Variants in MYH8 observed in about 807,000 individuals in gnomAD.
MYH8 encodes the protein myosin-8.
Under a neutral mutation model 233.2 loss-of-function variants are expected in MYH8, and 168 were observed. The ratio of observed to expected loss-of-function variants is 0.72; its 90% confidence interval spans 0.64 to 0.82. The LOEUF (loss-of-function observed/expected upper bound fraction) is 0.82. Ranked by LOEUF, MYH8 falls within the 40% of genes least tolerant of loss-of-function variation. MYH8 has a pLI of 0.00. For synonymous variants in MYH8, 785 were observed against 850.6 expected, an observed-to-expected ratio of 0.92 and a Z score of 1.34; for missense variants, 1,995 against 2,327.8, an observed-to-expected ratio of 0.86 and a Z score of 2.94.
Position 10,401,077 on chromosome 17 carries a change from C to T in MYH8, c.3223G>A (p.Asp1075Asn). 1.9e-6 allele frequency: 3 copies of T among 1,614,156 alleles called. No homozygotes were observed. The highest frequency in any genetic ancestry group is 1.1e-5 in the South Asian group (1 of 91,078). Reference sequence around the variant, plus strand: ...AGCTTTTCATCAAGTTGCTGTTTGTCATTTTCCATATCCATTGTGGATTCT... The same window carrying T: ...AGCTTTTCATCAAGTTGCTGTTTGTTATTTTCCATATCCATTGTGGATTCT... ...AQESTMDMEN[D>N]KQQLDEKLEK... The change falls in exon 25 of 40, where the codon GAC (aspartate) becomes AAC (asparagine). Residue 1075 changes from aspartate (D) to asparagine (N), a missense_variant. Physicochemically the swap from Asp to Asn is conservative, Grantham distance 23 (BLOSUM62 1). Around this residue, in one of 3 missense-constraint regions of MYH8, gnomAD observed 1,498 missense variants for 1,680.9 expected, o/e 0.89. Coordinates refer to ENST00000403437, the MANE Select transcript of MYH8 (RefSeq NM_002472.3).
chr17:10,390,953 T>G (rs181509767), intron 39 of MYH8, among the ~76,000 whole-genome samples: 1 of 152,218 alleles, frequency 6.6e-6, no homozygotes, highest in Non-Finnish European at 1.5e-5. Flanking sequence ...ATTTTGATTC[T>G]AGTATATAAA....
chr17:10,401,317 G>A lies in MYH8; in HGVS notation c.3066C>T (p.Ile1022=), dbSNP rs780766097. ...DLQAEEDKVN[I]LTKAKTKLEQ... is the part of the protein sequence containing the mutation. ...CTAGCTTGGTTTTAGCTTTGGTCAG[G>A]ATGTTGACTTTGTCCTCCTCTGCCT... Residue 1022 remains isoleucine, a synonymous_variant, in exon 24 of 40, where the codon ATC becomes ATT. Transcript: ENST00000403437. The A allele has an allele frequency of 1.2e-6, 2 of 1,614,152 alleles. No individual in the cohort carries two copies. The highest frequency in any genetic ancestry group is 2.7e-5 in the African/African-American group (2 of 75,032).
At chr17:10,416,186 T>C (rs1352716204) in intron 5 of MYH8, among the ~76,000 whole-genome samples, 1 of 152,194 alleles carries the variant, frequency 6.6e-6, no homozygotes, top group Admixed American at 6.5e-5. Flanking sequence ...AGGTACCTCA[T>C]GTAAGAGGAA....
At chr17:10,413,802 C>A in intron 12 of MYH8, 100 bp downstream of exon 12, 1 of 1,566,662 alleles carries the variant, frequency 6.4e-7, no homozygotes, top group South Asian at 1.1e-5. Flanking sequence ...ATGCCCTTCA[C>A]AAGTCGCAAG....
Position 10,415,080 on chromosome 17 carries a change from C to T in MYH8, c.805+36G>A. 1 of 1,588,634 alleles carries T rather than the reference C, an allele frequency of 6.3e-7. No individual in the cohort carries two copies. Among genetic ancestry groups the T allele is most frequent in the South Asian group, 1.1e-5 (1 of 90,530 alleles). ...TATCCCTGCAAATGAAATCACTTGT[C>T]TCTCTGTTTTGATTTTCAATGGTCC... On this transcript the variant is annotated intron_variant, in intron 9 of 39. Coordinates refer to ENST00000403437, the MANE Select transcript of MYH8 (RefSeq NM_002472.3). The surrounding 1 kb of genome is among the most constrained non-coding windows in gnomAD (Gnocchi z 4.1).
intron 22 of MYH8, among the ~76,000 whole-genome samples, chr17:10,403,238 A>G (rs938621750): frequency 2.0e-5 from 3 of 152,196 alleles, no homozygotes; most frequent in Non-Finnish European, 2.9e-5. Flanking sequence ...AATTATCAAA[A>G]TGAATTTTAG....
intron 19 of MYH8, 135 bp from the exon 20 acceptor site, chr17:10,406,532 A>G (rs189380127): frequency 7.1e-7 from 1 of 1,409,070 alleles, no homozygotes; most frequent in East Asian, 2.3e-5. Flanking sequence ...TTAAGGACAG[A>G]TAGTAAAACA....
At position 10,395,271 on chromosome 17, in the gene MYH8, A is replaced by C. The variant is rs1384657399; in HGVS notation, c.4824T>G (p.Ile1608Met). ...ETMQSTLDAE[I>M]RSRNDALRVK... Reference sequence around the variant, plus strand: ...CTCTCAGAGCATCATTTCTGCTTCTAATCTCTGCATCCAGCGTGCTCTGCA... The same window carrying C: ...CTCTCAGAGCATCATTTCTGCTTCTCATCTCTGCATCCAGCGTGCTCTGCA... The change falls in exon 34 of 40, where the codon ATT becomes ATG. Residue 1608 changes from isoleucine to methionine, a missense_variant. Around this residue, in one of 3 missense-constraint regions of MYH8, gnomAD observed 1,498 missense variants for 1,680.9 expected, o/e 0.89. Transcript: ENST00000403437. The C allele has an allele frequency of 6.2e-7, 1 of 1,614,028 alleles. No homozygotes were observed. The highest frequency in any genetic ancestry group is 1.3e-5 in the African/African-American group (1 of 74,894).
Position 10,415,143 on chromosome 17 carries a change from T to A in MYH8, c.778A>T (p.Lys260Ter). ...GTTTCTATATCAGCAGATGCCAGCT[T>A]CCCTGTAGTACCAAAGTGGATTCTA... ...FIRIHFGTTGKLASADIETYL... is the reference protein window; with the variant it reads ...FIRIHFGTTG Residue 260 changes from lysine (K) to a stop codon, truncating the protein, a stop_gained, in exon 9 of 40, where the codon AAG becomes TAG. Transcript: ENST00000403437. LOFTEE classifies it high-confidence loss of function. The surrounding 1 kb of genome is among the most constrained non-coding windows in gnomAD (Gnocchi z 4.1). 1 of 1,613,552 alleles carries A rather than the reference T, an allele frequency of 6.2e-7. No homozygotes were observed. Among genetic ancestry groups the A allele is most frequent in the Non-Finnish European group, 8.5e-7 (1 of 1,179,434 alleles).
intron 39 of MYH8, 89 bp from the exon 40 acceptor site, chr17:10,390,692 T>G: frequency 1.4e-6 from 2 of 1,450,712 alleles, no homozygotes; most frequent in Non-Finnish European, 1.9e-6. Flanking sequence ...AAATCAGGTA[T>G]TTCCTTCTTA....
chr17:10,411,435 T>C (rs1368719344), intron 14 of MYH8, among the ~76,000 whole-genome samples: 3 of 152,110 alleles, frequency 2.0e-5, no homozygotes, highest in African/African-American at 7.2e-5. Context: ...CCAGGCATTG[T>C]TGAGGGTCCC....
At chr17:10,407,987 C>CTGGA (rs2072210519) in intron 17 of MYH8, among the ~76,000 whole-genome samples, 1 of 147,840 alleles carries the variant, frequency 6.8e-6, no homozygotes, top group Non-Finnish European at 1.5e-5. Context: ...GTTGCCCAGG[C>CTGGA]TGGAGTACAG....
chr17:10,406,683 G>A lies in MYH8; in HGVS notation c.2171+7C>T, dbSNP rs1401580443. On this transcript the variant is annotated splice_region_variant and intron_variant, in intron 19 of 39. Coordinates refer to ENST00000403437, the MANE Select transcript of MYH8 (RefSeq NM_002472.3). ...AGTGTTAATGAAATACATCAAAGAA[G>A]ACTGACCTTTGTTTGAAATCACCAT... The A allele has an allele frequency of 6.2e-7, 1 of 1,605,654 alleles. No homozygotes were observed. Among genetic ancestry groups the A allele is most frequent in the Admixed American group, 1.7e-5 (1 of 59,978 alleles).
In MYH8 at chr17:10,392,883, T is replaced by C; in HGVS notation, c.5411A>G (p.Glu1804Gly). 6.2e-7 allele frequency: 1 copy of C among 1,614,162 alleles called. No homozygotes were observed. Among genetic ancestry groups the C allele is most frequent in the Non-Finnish European group, 8.5e-7 (1 of 1,180,018 alleles). ...KDLQHRLDEA[E>G]QLALKGGKKQ... ...CTTCCCACCCTTCAGCGCCAGCTGC[T>C]CGGCCTCATCTAGACGATGCTGCAG... Residue 1804 changes from glutamate to glycine, a missense_variant, in exon 37 of 40, where the codon GAG (glutamate) becomes GGG (glycine). Transcript: ENST00000403437.
At chr17:10,391,824 A>G (rs1196916532) in intron 39 of MYH8, 58 bp downstream of exon 39, 3 of 1,364,050 alleles carry the variant, frequency 2.2e-6, no homozygotes, top group Non-Finnish European at 3.2e-6. Context: ...ATTCTCTTAA[A>G]ACACTTTCTA....
rs1268351167 is a variant in MYH8, at chr17:10,398,788, G to A, written c.3961C>T (p.Gln1321Ter). The A allele has an allele frequency of 1.9e-6, 3 of 1,614,010 alleles. No individual in the cohort carries two copies. Among genetic ancestry groups the A allele is most frequent in the Non-Finnish European group, 2.5e-6 (3 of 1,179,992 alleles). ...STQQIEELKH[Q>*]LEEETKAKNA... ...CTCACTTTAGTTTCTTCCTCTAGTTGATGTTTCAGCTCTTCAATCTGCTGA... is the reference window on the plus strand; with the variant it reads ...CTCACTTTAGTTTCTTCCTCTAGTTAATGTTTCAGCTCTTCAATCTGCTGA... The change falls in exon 29 of 40, where the codon CAA (glutamine) becomes TAA (stop). Residue 1321 changes from glutamine (Q) to a stop codon, truncating the protein, a stop_gained. Transcript: ENST00000403437. LOFTEE classifies it high-confidence loss of function.
chr17:10,409,196 T>C (rs1443056394), intron 16 of MYH8, 32 bp from the exon 17 acceptor site: 1 of 1,613,934 alleles, frequency 6.2e-7, no homozygotes, highest in Non-Finnish European at 8.5e-7. Context: ...TGAATAAGAA[T>C]AGAATACCAG....
At chr17:10,418,367 A>C (rs1277516289) in intron 5 of MYH8, among the ~76,000 whole-genome samples, 2 of 152,200 alleles carry the variant, frequency 1.3e-5, no homozygotes, top group Non-Finnish European at 2.9e-5. Context: ...ATATGTTTAC[A>C]GTGGTCTAGT....
At chr17:10,413,454 A>G (rs192702730) in intron 12 of MYH8, among the ~76,000 whole-genome samples, 1 of 152,076 alleles carries the variant, frequency 6.6e-6, no homozygotes, top group Admixed American at 6.5e-5. Flanking sequence ...TATATTGTCT[A>G]TGGATTTATA....
Sources: gnomAD v4.1 joint callset for allele counts (sites outside exome capture counted in the v4.1 genomes callset) on GRCh38, gnomAD v4.1.1 for gene constraint, gnomAD v4.1.1 regional missense constraint, Gnocchi (gnomAD v3.1) non-coding constraint, MANE v1.5 for transcripts, NCBI Gene and HGNC (gene_info 2026-07-23, HGNC 2026-07-21) for gene names.